Variants in RYR2 observed in about 807,000 individuals in gnomAD.
RYR2 encodes ryanodine receptor 2.
Under a neutral mutation model 601.1 loss-of-function variants are expected in RYR2, and 227 were observed. The observed-to-expected ratio is 0.38, with a 90% CI of 0.34 to 0.42. The LOEUF (loss-of-function observed/expected upper bound fraction) is 0.42, where lower values mean the gene tolerates loss of function less well. RYR2 is among the 10% of genes least tolerant of loss of function. RYR2 has a pLI of 1.00. For synonymous variants in RYR2, 2,223 were observed against 2,175.1 expected (o/e 1.02, Z -0.61); for missense variants, 4,646 against 6,156.5 (o/e 0.75, Z 8.21).
chr1:237,197,951 C>T (rs929897970), intron 1 of RYR2, among the ~76,000 whole-genome samples: 35 of 152,018 alleles, frequency 2.3e-4, no homozygotes, highest in African/African-American at 8.5e-4. Flanking sequence ...CTGATTTGGT[C>T]AATCATAGGT....
At position 237,648,442 on chromosome 1, in the gene RYR2, A is replaced by C. The variant is rs778152200; in HGVS notation, c.7343-2A>C. ...ACACCAAAATTCACTTCTCTCTTTT[A>C]GATGGGAATGTGGTGGAACCTGACA... is the stretch of plus-strand genomic sequence containing the variant. On this transcript the variant is annotated splice_acceptor_variant, in intron 48 of 104. Coordinates refer to ENST00000366574, the MANE Select transcript of RYR2 (RefSeq NM_001035.3). LOFTEE classifies it high-confidence loss of function. 6.2e-7 allele frequency: 1 copy of C among 1,600,512 alleles called. No homozygotes were observed. Among genetic ancestry groups the C allele is most frequent in the East Asian group, 2.2e-5 (1 of 44,720 alleles).
intron 16 of RYR2, 142 bp from the exon 17 acceptor site, chr1:237,468,950 G>T: frequency 1.6e-6 from 1 of 621,722 alleles, no homozygotes; most frequent in Non-Finnish European, 2.9e-6. Context: ...GTATATGTAC[G>T]TGTATGTATG....
At chr1:237,246,518 CCTCAAA>C (rs1353905569) in intron 1 of RYR2, among the ~76,000 whole-genome samples, 1 of 152,138 alleles carries the variant, frequency 6.6e-6, no homozygotes, top group African/African-American at 2.4e-5. Flanking sequence ...TGCTATGTTG[CCTCAAA>C]CTCCTGGGCT....
At chr1:237,569,961 TA>T (rs1244611246) in intron 29 of RYR2, among the ~76,000 whole-genome samples, 53 of 152,264 alleles carry the variant, frequency 3.5e-4, no homozygotes, top group Non-Finnish European at 7.1e-4. Context: ...CTCAAGCCTG[TA>T]ATCCCAGCAC....
At chr1:237,668,282 T>C (rs1410700148) in intron 58 of RYR2, among the ~76,000 whole-genome samples, 1 of 152,184 alleles carries the variant, frequency 6.6e-6, no homozygotes, top group African/African-American at 2.4e-5. Context: ...ATATCTCCTA[T>C]CTCACCCCTT....
chr1:237,582,278 T>C (rs1673999574), intron 29 of RYR2, among the ~76,000 whole-genome samples: 1 of 151,520 alleles, frequency 6.6e-6, no homozygotes, highest in African/African-American at 2.4e-5. Context: ...AATTTTTTTT[T>C]TTTGTATTTT....
At chr1:237,296,193 G>A (rs1056552302) in intron 2 of RYR2, among the ~76,000 whole-genome samples, 2 of 152,146 alleles carry the variant, frequency 1.3e-5, no homozygotes, top group African/African-American at 4.8e-5. Flanking sequence ...AGTCCAGCAG[G>A]TGAAGGGGGT....
intron 12 of RYR2, among the ~76,000 whole-genome samples, chr1:237,424,634 G>A (rs1329750605): frequency 6.6e-6 from 1 of 152,020 alleles, no homozygotes; most frequent in Non-Finnish European, 1.5e-5. Context: ...TTTTTACTTT[G>A]CCCCTCTCTA....
intron 14 of RYR2, among the ~76,000 whole-genome samples, chr1:237,452,402 T>G (rs995042758): frequency 6.9e-6 from 1 of 144,182 alleles, no homozygotes; most frequent in Non-Finnish European, 1.5e-5. Flanking sequence ...CATTATATAA[T>G]ATAGTATAAA....
chr1:237,615,648 G>A (rs969433609), intron 37 of RYR2, among the ~76,000 whole-genome samples: 6 of 152,100 alleles, frequency 3.9e-5, no homozygotes, highest in African/African-American at 1.2e-4. Context: ...TTTAGTCAGC[G>A]TTGACTGAAG....
At chr1:237,220,420 T>G (rs1683684279) in intron 1 of RYR2, among the ~76,000 whole-genome samples, 1 of 152,210 alleles carries the variant, frequency 6.6e-6, no homozygotes, top group Admixed American at 6.5e-5. Flanking sequence ...GCCTTGCTTC[T>G]GAGGCTGCCA....
At chr1:237,793,051 T>C (rs1322611493) in intron 94 of RYR2, among the ~76,000 whole-genome samples, 1 of 152,222 alleles carries the variant, frequency 6.6e-6, no homozygotes, top group East Asian at 1.9e-4. Context: ...CCATTACCTG[T>C]CCAAACCTCT....
chr1:237,651,477 T>A lies in RYR2; in HGVS notation c.7800T>A (p.Asn2600Lys), dbSNP rs751048828. The change falls in exon 51 of 105, where the codon AAT (asparagine) becomes AAA (lysine). Residue 2600 changes from asparagine (N) to lysine (K), a missense_variant. Around this residue, in one of 17 missense-constraint regions of RYR2, gnomAD observed 1,497 missense variants for 1,842.6 expected, o/e 0.81. Transcript: ENST00000366574. Reference protein sequence around the residue: ...RRLVFDVPLLNEHAKMPLKLL... With the variant: ...RRLVFDVPLLKEHAKMPLKLL... ...TAGTATTTGATGTTCCATTATTAAATGAACACGCAAAGATGCCTCTTAAAG... is the reference window on the plus strand; with the variant it reads ...TAGTATTTGATGTTCCATTATTAAAAGAACACGCAAAGATGCCTCTTAAAG... 6.3e-7 allele frequency: 1 copy of A among 1,583,846 alleles called. No individual in the cohort carries two copies. The highest frequency in any genetic ancestry group is 8.6e-7 in the Non-Finnish European group (1 of 1,162,528).
At chr1:237,129,924 C>T (rs1339034594) in intron 1 of RYR2, among the ~76,000 whole-genome samples, 1 of 151,880 alleles carries the variant, frequency 6.6e-6, no homozygotes, top group Non-Finnish European at 1.5e-5. Context: ...TGGTGGTTTC[C>T]AGGAGCTTGG....
chr1:237,081,537 G>A (rs1317641070), intron 1 of RYR2, among the ~76,000 whole-genome samples: 3 of 151,444 alleles, frequency 2.0e-5, no homozygotes, highest in South Asian at 2.1e-4. Flanking sequence ...ATACATGCAT[G>A]TATACATATA....
chr1:237,764,872 T>C (rs1486889041), intron 84 of RYR2, among the ~76,000 whole-genome samples: 1 of 152,210 alleles, frequency 6.6e-6, no homozygotes, highest in Non-Finnish European at 1.5e-5. Context: ...TAACCTGGTA[T>C]TGAGATGCCA....
intron 1 of RYR2, among the ~76,000 whole-genome samples, chr1:237,225,404 G>A (rs919451006): frequency 1.3e-5 from 2 of 152,136 alleles, no homozygotes; most frequent in Admixed American, 6.5e-5. Context: ...CGAAAGGCAC[G>A]TCTTACATGG....
chr1:237,209,515 A>ATT (rs1236992824), intron 1 of RYR2, among the ~76,000 whole-genome samples: 1 of 24,300 alleles, frequency 4.1e-5, no homozygotes, highest in African/African-American at 7.5e-5. Flanking sequence ...GTGTGTGTGT[A>ATT]TTTTTTTTTT....
chr1:237,645,462 G>A (rs1427280551), intron 48 of RYR2, among the ~76,000 whole-genome samples: 1 of 151,920 alleles, frequency 6.6e-6, no homozygotes, highest in Non-Finnish European at 1.5e-5. Context: ...TCTATACTTT[G>A]AGCCACAAAA....
Sources: allele counts gnomAD v4.1 joint callset (sites outside exome capture counted in the v4.1 genomes callset), GRCh38; gene constraint gnomAD v4.1.1; regional missense constraint gnomAD v4.1.1; transcripts MANE v1.5; gene names NCBI Gene and HGNC (gene_info 2026-07-23, HGNC 2026-07-21).